Variants in BTBD2 observed in about 807,000 individuals in gnomAD.
BTBD2 encodes BTB/POZ domain-containing protein 2.
In BTBD2, 15 loss-of-function variants were observed where a neutral mutation model predicts 44.0. The observed-to-expected ratio is 0.34, with a 90% confidence interval of 0.23 to 0.53. The LOEUF (loss-of-function observed/expected upper bound fraction) is 0.53. Among genes scored for constraint, BTBD2 ranks in the 20% least tolerant of loss-of-function variants. BTBD2 has a pLI of 0.95. For synonymous variants in BTBD2, 443 were observed against 335.9 expected, an observed-to-expected ratio of 1.32 and a Z score of -3.49; for missense variants, 657 against 746.4, an observed-to-expected ratio of 0.88 and a Z score of 1.39.
At chr19:1,995,609 G>A (rs922250758) in intron 2 of BTBD2, among the ~76,000 whole-genome samples, 2 of 149,914 alleles carry the variant, frequency 1.3e-5, no homozygotes, top group Admixed American at 1.3e-4. Context: ...GTATTTTACA[G>A]GTCTAGATCT....
chr19:1,994,418 C>G (rs62129505), intron 2 of BTBD2, among the ~76,000 whole-genome samples: 1 of 151,900 alleles, frequency 6.6e-6, no homozygotes, highest in South Asian at 2.1e-4. Flanking sequence ...TTGCCTGAGA[C>G]CAGGAGTTGG....
chr19:1,987,481 C>T lies in BTBD2; in HGVS notation c.1181+19G>A. On this transcript the variant is annotated intron_variant, in intron 6 of 8. Transcript: ENST00000255608. Reference sequence around the variant, plus strand: ...CCACCCCCATGTCCGGACCCCCCCGCCTGCACCCCAAGCCCCACCTGATGC... The same window carrying T: ...CCACCCCCATGTCCGGACCCCCCCGTCTGCACCCCAAGCCCCACCTGATGC... 6.5e-7 allele frequency: 1 copy of T among 1,543,702 alleles called. No individual in the cohort carries two copies. The highest frequency in any genetic ancestry group is 8.7e-7 in the Non-Finnish European group (1 of 1,147,006).
At chr19:2,005,601 A>G in intron 1 of BTBD2, among the ~76,000 whole-genome samples, 1 of 151,374 alleles carries the variant, frequency 6.6e-6, no homozygotes, top group African/African-American at 2.4e-5. Context: ...GACCAATAGG[A>G]TGAAACGCCA....
intron 3 of BTBD2, among the ~76,000 whole-genome samples, chr19:1,992,742 TTG>T (rs2016196365): frequency 6.6e-6 from 1 of 151,614 alleles, no homozygotes; most frequent in South Asian, 2.1e-4. Context: ...CGGCTCTTTT[TTG>T]TGTTTTTAGT....
intron 1 of BTBD2, among the ~76,000 whole-genome samples, chr19:2,008,045 C>A (rs1451807231): frequency 4.6e-5 from 7 of 151,002 alleles, no homozygotes; most frequent in Non-Finnish European, 1.0e-4. Flanking sequence ...ACTCTTTTTG[C>A]CCAGGCTGGA....
At chr19:1,997,893 C>T (rs2016272731) in intron 1 of BTBD2, among the ~76,000 whole-genome samples, 1 of 152,106 alleles carries the variant, frequency 6.6e-6, no homozygotes, top group Non-Finnish European at 1.5e-5. Flanking sequence ...GGCGTTCATT[C>T]ACTCATTCAT....
chr19:2,011,505 T>C (rs1438228545), intron 1 of BTBD2, among the ~76,000 whole-genome samples: 3 of 152,116 alleles, frequency 2.0e-5, no homozygotes, highest in East Asian at 1.9e-4. Context: ...CTTCCATCCC[T>C]GAGCCTGGGG....
chr19:1,999,791 G>A (rs1053157835), intron 1 of BTBD2, among the ~76,000 whole-genome samples: 4 of 151,570 alleles, frequency 2.6e-5, no homozygotes, highest in African/African-American at 7.3e-5. Context: ...GTGAAACCCC[G>A]TCTCTACTAA....
intron 1 of BTBD2, among the ~76,000 whole-genome samples, chr19:2,002,026 C>A (rs2016336502): frequency 6.6e-6 from 1 of 152,144 alleles, no homozygotes; most frequent in Non-Finnish European, 1.5e-5. Flanking sequence ...CAGGTGTGAG[C>A]CCCCACGCCT....
chr19:2,010,513 C>T (rs1485762505), intron 1 of BTBD2, among the ~76,000 whole-genome samples: 1 of 152,206 alleles, frequency 6.6e-6, no homozygotes, highest in African/African-American at 2.4e-5. Flanking sequence ...CCCTGCACCC[C>T]CGCCAGGGAC....
At position 1,987,650 on chromosome 19, in the gene BTBD2, C is replaced by T. The variant is rs144730414; in HGVS notation, c.1031G>A (p.Ser344Asn). Reference protein sequence around the residue: ...SGILVDREVVSLFLHFTVNPK... With the variant: ...SGILVDREVVNLFLHFTVNPK... ...GTTGACGGTGAAGTGCAGGAAGAGG[C>T]TGACCACCTCGCGGTCCACCAGGAT... The change falls in exon 6 of 9, where the codon AGC becomes AAC. Residue 344 changes from serine (S) to asparagine (N), a missense_variant. This residue lies in a region of BTBD2 where 449 missense variants were observed against 510.9 expected (regional missense o/e 0.88). Transcript: ENST00000255608. 3.2e-4 allele frequency: 508 copies of T among 1,611,144 alleles called. 1 individual carries two copies. The African/African-American group carries it at 5.9e-3, about 19-fold the overall frequency.
intron 2 of BTBD2, among the ~76,000 whole-genome samples, chr19:1,995,937 G>A (rs377723515): frequency 1.7e-3 from 253 of 152,160 alleles, no homozygotes; most frequent in African/African-American, 6.1e-3. Context: ...TTACAGGCGT[G>A]AGCCACCGTG....
In BTBD2 at chr19:1,989,997, C is replaced by G. The variant is rs1568214990; in HGVS notation, c.988+7G>C. ...CCAAACCAGCCCCTGAGCCCGAGCTCTGTTACCTGCAGCGAACTCCTCGAT... is the reference window on the plus strand; with the variant it reads ...CCAAACCAGCCCCTGAGCCCGAGCTGTGTTACCTGCAGCGAACTCCTCGAT... On this transcript the variant is annotated splice_region_variant and intron_variant, in intron 5 of 8. Coordinates refer to ENST00000255608, the MANE Select transcript of BTBD2 (RefSeq NM_017797.4). The G allele has an allele frequency of 1.2e-6, 2 of 1,613,090 alleles. No individual in the cohort carries two copies. Among genetic ancestry groups the G allele is most frequent in the Non-Finnish European group, 1.7e-6 (2 of 1,179,920 alleles).
At chr19:1,999,763 A>T (rs979227221) in intron 1 of BTBD2, among the ~76,000 whole-genome samples, 1 of 151,808 alleles carries the variant, frequency 6.6e-6, no homozygotes, top group Admixed American at 6.6e-5. Context: ...GAGTTGGGAG[A>T]CCAGCCTGGC....
intron 2 of BTBD2, among the ~76,000 whole-genome samples, chr19:1,996,974 T>C (rs2016259291): frequency 6.6e-6 from 1 of 151,930 alleles, no homozygotes; most frequent in African/African-American, 2.4e-5. Context: ...TGATGTCAGA[T>C]CGAGACCATC....
chr19:2,005,552 C>A (rs1397092163), intron 1 of BTBD2, among the ~76,000 whole-genome samples: 1 of 151,696 alleles, frequency 6.6e-6, no homozygotes, highest in Admixed American at 6.6e-5. Flanking sequence ...GAGGCCGAGG[C>A]GGGTGGATCA....
At chr19:2,014,865 T>G (rs1599364307) in intron 1 of BTBD2, among the ~76,000 whole-genome samples, 2 of 121,178 alleles carry the variant, frequency 1.7e-5, no homozygotes, top group African/African-American at 6.7e-5. Flanking sequence ...AAGCCAGAGG[T>G]GGAGGATCCA....
At chr19:1,989,741 C>T in intron 5 of BTBD2, 2 of 526,682 alleles carry the variant, frequency 3.8e-6, no homozygotes, top group South Asian at 2.2e-5. Flanking sequence ...GACTCCCTTC[C>T]CTCCTGGGAA....
At chr19:2,011,358 C>A (rs1181489609) in intron 1 of BTBD2, among the ~76,000 whole-genome samples, 1 of 152,110 alleles carries the variant, frequency 6.6e-6, no homozygotes, top group Non-Finnish European at 1.5e-5. Context: ...TACTCCCCAG[C>A]CTCGCTCCTG....
Sources: gnomAD v4.1 joint callset for allele counts (sites outside exome capture counted in the v4.1 genomes callset) on GRCh38, gnomAD v4.1.1 for gene constraint, gnomAD v4.1.1 regional missense constraint, MANE v1.5 for transcripts, NCBI Gene and HGNC (gene_info 2026-07-23, HGNC 2026-07-21) for gene names.